SVOP: variants seen among roughly 807,000 people sequenced by gnomAD.
SVOP encodes the protein synaptic vesicle 2-related protein.
SVOP carries 17 observed loss-of-function variants against 69.1 expected under a neutral mutation model. That is an observed-to-expected ratio of 0.25 (90% CI 0.17 to 0.37). SVOP has a LOEUF of 0.37. Ranked by LOEUF, SVOP falls within the 10% of genes least tolerant of loss-of-function variation. SVOP has a pLI of 1.00. For synonymous variants in SVOP, 238 were observed against 238.6 expected (o/e 1.00, Z 0.02); for missense variants, 435 against 597.5 (o/e 0.73, Z 2.84).
chr12:108,944,585 A>G (rs918822815), intron 7 of SVOP, among the ~76,000 whole-genome samples: 2 of 152,140 alleles, frequency 1.3e-5, no homozygotes, highest in African/African-American at 4.8e-5. Flanking sequence ...TCATGGAGCC[A>G]TTGTATTTGC....
At chr12:108,959,351 CT>C (rs36192896) in intron 6 of SVOP, among the ~76,000 whole-genome samples, 52,582 of 106,030 alleles carry the variant, frequency 0.5, 11,515 homozygotes, top group Admixed American at 0.6. Context: ...GCTTTTAATT[CT>C]TTTTTTTTTT....
intron 2 of SVOP, among the ~76,000 whole-genome samples, chr12:108,983,308 C>G (rs2040152110): frequency 6.6e-6 from 1 of 152,004 alleles, no homozygotes; most frequent in Non-Finnish European, 1.5e-5. Flanking sequence ...CCACCATCAT[C>G]ACCACCACCA....
In SVOP at chr12:108,968,316, C is replaced by G. The variant is rs550415470; in HGVS notation, c.453+4089G>C. Among the ~76,000 whole-genome samples the G allele has an allele frequency of 5.3e-5, 8 of 152,298 alleles. No homozygotes were observed. The East Asian group carries it at 1.3e-3, about 26-fold the overall frequency. ...CTCACGGAGTTTACTAAATTCCCTC[C>G]ACACTCTTCAGTCTTGTGCCTGTGG... is the stretch of plus-strand genomic sequence containing the variant. On this transcript the variant is annotated intron_variant, in intron 5 of 15. Coordinates refer to ENST00000610966, the MANE Select transcript of SVOP (RefSeq NM_018711.5).
chr12:108,929,960 G>C (rs987810938), intron 11 of SVOP, among the ~76,000 whole-genome samples: 2 of 148,224 alleles, frequency 1.3e-5, no homozygotes, highest in Non-Finnish European at 3.0e-5. Flanking sequence ...TCCAGCTGTG[G>C]GCTTGTTCTA....
In SVOP at chr12:108,945,171, G is replaced by A. The variant is rs1239341536; in HGVS notation, c.579-5C>T. The stretch of plus-strand genomic sequence containing the variant: ...AACTCGGCATACAGCGTCACCCTGG[G>A]AATGTAAAAGGGAAAGAAAGGGAGT... On this transcript the variant is annotated splice_polypyrimidine_tract_variant and splice_region_variant and intron_variant, in intron 6 of 15. Coordinates refer to ENST00000610966, the MANE Select transcript of SVOP (RefSeq NM_018711.5). The A allele has an allele frequency of 1.3e-6, 2 of 1,537,082 alleles. No individual in the cohort carries two copies. Among genetic ancestry groups the A allele is most frequent in the Admixed American group, 3.9e-5 (2 of 50,980 alleles).
intron 7 of SVOP, among the ~76,000 whole-genome samples, chr12:108,943,258 G>C (rs1240775018): frequency 6.6e-6 from 1 of 151,942 alleles, no homozygotes; most frequent in Non-Finnish European, 1.5e-5. Context: ...GCAATCAGAA[G>C]TGACAGAAAA....
chr12:108,961,575 C>T (rs910925031), intron 5 of SVOP, among the ~76,000 whole-genome samples: 6 of 152,078 alleles, frequency 3.9e-5, no homozygotes, highest in Admixed American at 6.6e-5. Flanking sequence ...TCAATGACAA[C>T]GCTGTGTGCA....
At chr12:108,932,086 C>T (rs1380430426) in intron 11 of SVOP, among the ~76,000 whole-genome samples, 1 of 152,064 alleles carries the variant, frequency 6.6e-6, no homozygotes, top group African/African-American at 2.4e-5. Context: ...AATCATGGCT[C>T]ACGGCAGCCT....
chr12:108,994,193 C>T (rs772224860), intron 1 of SVOP, among the ~76,000 whole-genome samples: 1 of 152,202 alleles, frequency 6.6e-6, no homozygotes, highest in Non-Finnish European at 1.5e-5. Flanking sequence ...ACTTACGATA[C>T]TGATCTTGGC....
intron 5 of SVOP, among the ~76,000 whole-genome samples, chr12:108,967,415 C>T (rs942637446): frequency 2.0e-5 from 3 of 152,018 alleles, no homozygotes; most frequent in African/African-American, 7.2e-5. Context: ...AGGAGAATCG[C>T]TTGAACCTGG....
intron 11 of SVOP, among the ~76,000 whole-genome samples, chr12:108,927,905 C>T (rs1401802638): frequency 6.9e-6 from 1 of 144,798 alleles, no homozygotes; most frequent in South Asian, 2.2e-4. Flanking sequence ...TGACAAAAAA[C>T]TCTTTTTTTT....
intron 6 of SVOP, among the ~76,000 whole-genome samples, chr12:108,946,263 A>AT (rs375960454): frequency 0.091 from 13,219 of 145,148 alleles, 819 homozygotes; most frequent in East Asian, 0.31. Context: ...CGCCTGGCCA[A>AT]TTTTTTTTTT....
At chr12:109,019,323 T>TGTCAG (rs1368571380) in intron 1 of SVOP, among the ~76,000 whole-genome samples, 2 of 152,306 alleles carry the variant, frequency 1.3e-5, no homozygotes, top group Non-Finnish European at 1.5e-5. Flanking sequence ...GTCATGATAA[T>TGTCAG]GTCAGGTCTA....
chr12:108,979,162 G>GA (rs2040122942), intron 2 of SVOP, among the ~76,000 whole-genome samples: 2 of 152,240 alleles, frequency 1.3e-5, no homozygotes, highest in East Asian at 3.9e-4. Context: ...AGGGAGGAAG[G>GA]AAAAAATTAT....
chr12:109,002,975 TTAA>T (rs2040281856), intron 1 of SVOP, among the ~76,000 whole-genome samples: 1 of 122,490 alleles, frequency 8.2e-6, no homozygotes, highest in African/African-American at 3.3e-5. Context: ...AATTAAAAAA[TTAA>T]AAATAAATAA....
At chr12:108,981,806 C>T (rs2040136506) in intron 2 of SVOP, among the ~76,000 whole-genome samples, 1 of 152,194 alleles carries the variant, frequency 6.6e-6, no homozygotes. Flanking sequence ...ATACCATCAT[C>T]AGTGTCACCA....
At chr12:108,968,744 TTGTGTGTGTGTG>T (rs554473073) in intron 5 of SVOP, among the ~76,000 whole-genome samples, 6 of 149,660 alleles carry the variant, frequency 4.0e-5, no homozygotes, top group African/African-American at 1.5e-4. Context: ...TGTTTGTCTT[TTGTGTGTGTGTG>T]TGTGTGTGTG....
intron 10 of SVOP, among the ~76,000 whole-genome samples, chr12:108,936,623 A>C (rs1214011726): frequency 6.6e-6 from 1 of 152,102 alleles, no homozygotes; most frequent in African/African-American, 2.4e-5. Context: ...CCACAGGTGC[A>C]TGCCTCCACA....
chr12:108,974,943 A>G (rs1348760373), intron 4 of SVOP, among the ~76,000 whole-genome samples: 7 of 152,222 alleles, frequency 4.6e-5, no homozygotes, highest in Non-Finnish European at 7.3e-5. Flanking sequence ...TTTGATTTTT[A>G]TATTTCACTA....
Sources: gnomAD v4.1 joint callset for allele counts (sites outside exome capture counted in the v4.1 genomes callset) on GRCh38, gnomAD v4.1.1 for gene constraint, MANE v1.5 for transcripts, NCBI Gene and HGNC (gene_info 2026-07-23, HGNC 2026-07-21) for gene names.